The following CTBP2 variants were observed in gnomAD, a reference collection of about 807,000 sequenced individuals.
The protein encoded by CTBP2 is C-terminal-binding protein 2.
In CTBP2, 30 loss-of-function variants were observed where a neutral mutation model predicts 80.3. The ratio of observed to expected loss-of-function variants is 0.37; its 90% CI spans 0.28 to 0.51. The LOEUF is 0.51. Ranked by LOEUF, CTBP2 falls within the 20% of genes least tolerant of loss-of-function variation. The pLI is 0.93. For missense variants in CTBP2, 1,212 were observed against 1,375.3 expected (o/e 0.88, Z 1.88); for synonymous variants, 594 against 587.4 (o/e 1.01, Z -0.16).
chr10:125,026,384 G>A lies in CTBP2; in HGVS notation c.1376C>T (p.Ala459Val). 6.2e-7 allele frequency: 1 copy of A among 1,612,012 alleles called. No homozygotes were observed. The highest frequency in any genetic ancestry group is 8.5e-7 in the Non-Finnish European group (1 of 1,178,524). ...GCCCGGGTTAGTCAAGGCCACCCCTGCCTGCAGGGGGTACGTGGGGCTCAG... is the reference window on the plus strand; with the variant it reads ...GCCCGGGTTAGTCAAGGCCACCCCTACCTGCAGGGGGTACGTGGGGCTCAG... Residue 459 changes from alanine (A) to valine (V), a missense_variant, in exon 1 of 9, where the codon GCA (alanine) becomes GTA (valine). By Grantham distance (64) the Ala-to-Val change is moderately conservative. Transcript: ENST00000309035.
At chr10:125,080,231 G>C (rs1481900370) in intron 2 of CTBP2, among the ~76,000 whole-genome samples, 1 of 152,048 alleles carries the variant, frequency 6.6e-6, no homozygotes, top group Admixed American at 6.5e-5. Context: ...TGACTTAGGG[G>C]AACAGCAGTC....
At chr10:125,071,489 C>T (rs532233042) in intron 2 of CTBP2, among the ~76,000 whole-genome samples, 1 of 152,310 alleles carries the variant, frequency 6.6e-6, no homozygotes, top group East Asian at 1.9e-4. Flanking sequence ...GACCTGAGTT[C>T]CAACTGCTGG....
intron 1 of CTBP2, among the ~76,000 whole-genome samples, chr10:125,124,039 A>G (rs2136062549): frequency 6.6e-6 from 1 of 152,326 alleles, no homozygotes; most frequent in Non-Finnish European, 1.5e-5. Context: ...GGAACAGGCC[A>G]AGACTGTCCC....
At chr10:125,052,605 A>C (rs1009864914) in intron 2 of CTBP2, among the ~76,000 whole-genome samples, 1 of 152,208 alleles carries the variant, frequency 6.6e-6, no homozygotes, top group Non-Finnish European at 1.5e-5. Flanking sequence ...TGATCCCCAC[A>C]CGGCCCACAG....
chr10:125,051,645 A>G (rs1440309408), intron 2 of CTBP2, among the ~76,000 whole-genome samples: 1 of 142,292 alleles, frequency 7.0e-6, no homozygotes, highest in Non-Finnish European at 1.5e-5. Context: ...GTCTCAAAAT[A>G]GAAACCAACC....
At chr10:125,044,771 T>C (rs1960807893) in intron 2 of CTBP2, among the ~76,000 whole-genome samples, 1 of 152,074 alleles carries the variant, frequency 6.6e-6, no homozygotes, top group Non-Finnish European at 1.5e-5. Context: ...GTCTCAAACT[T>C]AAAGCAACAG....
intron 1 of CTBP2, among the ~76,000 whole-genome samples, chr10:125,013,272 C>A (rs565773737): frequency 2.0e-5 from 3 of 152,200 alleles, no homozygotes; most frequent in African/African-American, 7.2e-5. Context: ...CTGGGATACC[C>A]CTACTTTACA....
chr10:124,998,386 G>A lies in CTBP2; in HGVS notation c.1979-216C>T, dbSNP rs1953954333. The A allele has an allele frequency of 3.5e-5, 21 of 596,672 alleles. No individual in the cohort carries two copies. The East Asian group carries it at 6.0e-4, about 17-fold the overall frequency. 37.0% of individuals were successfully genotyped at this position (596,672 alleles called of 1,614,324 possible). A position where few individuals can be genotyped will look rare whatever the true frequency, so the allele number is the denominator to read the frequency against. On this transcript the variant is annotated intron_variant, in intron 3 of 8. Transcript: ENST00000309035. The stretch of plus-strand genomic sequence containing the variant: ...CCCAACATCTACCCCTCCCTCCCAA[G>A]GAGGACTTTTGCTCCAGGACGTGGC...
At chr10:125,071,456 G>A (rs1020927148) in intron 2 of CTBP2, among the ~76,000 whole-genome samples, 1 of 152,264 alleles carries the variant, frequency 6.6e-6, no homozygotes, top group Admixed American at 6.5e-5. Flanking sequence ...AAGTGGGACA[G>A]GAAATTAATC....
At chr10:125,099,749 C>G (rs1410362738) in intron 2 of CTBP2, among the ~76,000 whole-genome samples, 1 of 152,212 alleles carries the variant, frequency 6.6e-6, no homozygotes, top group African/African-American at 2.4e-5. Flanking sequence ...AAGGACTGTT[C>G]AGGTCCACGG....
intron 3 of CTBP2, among the ~76,000 whole-genome samples, chr10:125,036,474 C>T (rs1958878336): frequency 6.6e-6 from 1 of 150,748 alleles, no homozygotes; most frequent in East Asian, 2.0e-4. Context: ...CACAGCAGAA[C>T]ATGGCAGCTT....
At chr10:125,126,914 C>CAT in intron 1 of CTBP2, among the ~76,000 whole-genome samples, 1 of 150,096 alleles carries the variant, frequency 6.7e-6, no homozygotes, top group East Asian at 1.9e-4. Context: ...CACGTGCATA[C>CAT]ACACACACAT....
chr10:125,005,312 AC>A (rs1011920527), intron 1 of CTBP2, among the ~76,000 whole-genome samples: 61 of 152,132 alleles, frequency 4.0e-4, no homozygotes, highest in African/African-American at 1.2e-3. Flanking sequence ...TTCTCCTGCC[AC>A]CCCCGGCTGG....
chr10:125,014,081 G>C (rs1005870397), intron 1 of CTBP2, among the ~76,000 whole-genome samples: 1 of 152,172 alleles, frequency 6.6e-6, no homozygotes, highest in Non-Finnish European at 1.5e-5. Flanking sequence ...CGTCATCATG[G>C]TAACTGTTAT....
rs1414371978 is a variant in CTBP2 at position 125,023,512 on chromosome 10, TG to T, written c.1678+2569del. Among the ~76,000 whole-genome samples the T allele has an allele frequency of 3.3e-5, 5 of 152,290 alleles. No individual in the cohort carries two copies. The East Asian group carries it at 9.7e-4, about 29-fold the overall frequency. ...CACCGCCGGAGGGCTCCGCGACTTG[TG>T]CCATAGCCGGCCAGGTCAGCCTGAG... is the stretch of plus-strand genomic sequence containing the variant. On this transcript the variant is annotated intron_variant, in intron 1 of 8. Transcript: ENST00000309035.
intron 2 of CTBP2, among the ~76,000 whole-genome samples, chr10:125,041,095 T>C (rs1169362633): frequency 1.3e-5 from 2 of 152,170 alleles, no homozygotes; most frequent in African/African-American, 4.8e-5. Context: ...GCTTTTTTAT[T>C]TTTGGTGAGA....
chr10:125,034,449 T>C (rs965413617), intron 3 of CTBP2, among the ~76,000 whole-genome samples: 1 of 152,260 alleles, frequency 6.6e-6, no homozygotes, highest in African/African-American at 2.4e-5. Flanking sequence ...TTTTAAGGCA[T>C]GTCTAGTTGA....
At chr10:125,146,080 T>C (rs1247488688) in intron 1 of CTBP2, among the ~76,000 whole-genome samples, 3 of 151,438 alleles carry the variant, frequency 2.0e-5, no homozygotes, top group African/African-American at 7.3e-5. Flanking sequence ...CCAACCACCA[T>C]ACCTGGCTAA....
chr10:125,082,492 C>T (rs1275646013), intron 2 of CTBP2, among the ~76,000 whole-genome samples: 1 of 152,000 alleles, frequency 6.6e-6, no homozygotes, highest in Non-Finnish European at 1.5e-5. Flanking sequence ...CCTCAGGTAT[C>T]ATTTCCAGCT....
Sources: gnomAD v4.1 joint callset for allele counts (sites outside exome capture counted in the v4.1 genomes callset) on GRCh38, gnomAD v4.1.1 for gene constraint, MANE v1.5 for transcripts, NCBI Gene and HGNC (gene_info 2026-07-23, HGNC 2026-07-21) for gene names.